The following TERB1 variants were observed in gnomAD, a reference collection of about 807,000 sequenced individuals.
TERB1 encodes telomere repeat binding bouquet formation protein 1, also known as telomere repeats-binding bouquet formation protein 1.
In TERB1, 63 loss-of-function variants were observed where a neutral mutation model predicts 92.3. The observed-to-expected ratio is 0.68, with a 90% CI of 0.56 to 0.84. TERB1 has a LOEUF of 0.84. Ranked by LOEUF, TERB1 falls within the 40% of genes least tolerant of loss-of-function variation. TERB1 has a pLI of 0.00. For missense variants in TERB1, 709 were observed against 843.7 expected (o/e 0.84, Z 1.98); for synonymous variants, 252 against 283.9 (o/e 0.89, Z 1.13).
chr16:66,767,596 T>G, intron 15 of TERB1, 86 bp from the exon 16 acceptor site: 1 of 680,858 alleles, frequency 1.5e-6, no homozygotes, highest in East Asian at 2.9e-5. Flanking sequence ...AAGCTTTTCA[T>G]AAACCTTAGC....
At chr16:66,801,344 G>C (rs1489796356) in intron 1 of TERB1, 124 bp downstream of exon 1, 1 of 152,290 alleles carries the variant, frequency 6.6e-6, no homozygotes, top group Non-Finnish European at 1.5e-5. Context: ...TACAGCCGGG[G>C]CCTGGCACCT....
Position 66,756,774 on chromosome 16 carries a change from C to T in TERB1, c.1997-1611G>A, listed in dbSNP as rs778011254. 2.6e-5 allele frequency among the ~76,000 whole-genome samples: 4 copies of T among 152,300 alleles called. No homozygotes were observed. The South Asian group carries it at 6.2e-4, about 24-fold the overall frequency. ...GTGCCCAAATCTTCAAAGATTCCTACAGCAGAGTACTGAGCAGCCTGGAAG... is the reference window on the plus strand; with the variant it reads ...GTGCCCAAATCTTCAAAGATTCCTATAGCAGAGTACTGAGCAGCCTGGAAG... On this transcript the variant is annotated intron_variant, in intron 18 of 18. Coordinates refer to ENST00000433154, the MANE Select transcript of TERB1 (RefSeq NM_001136505.2).
Position 66,754,993 on chromosome 16 carries a change from TG to T in TERB1, c.2166del (p.Thr723ArgfsTer7), listed in dbSNP as rs1392968059. 3.9e-6 allele frequency: 6 copies of T among 1,550,880 alleles called. No homozygotes were observed. The highest frequency in any genetic ancestry group is 1.7e-6 in the Non-Finnish European group (2 of 1,146,802). On this transcript the variant is annotated frameshift_variant, in exon 19 of 19. Transcript: ENST00000433154. LOFTEE classifies it high-confidence loss of function. Reference sequence around the variant, plus strand: ...TCTTTCAATCAAGAAGCTGCACACGTGGGGTGTTTGGTCAGCTTGTGGTATT... The same window carrying T: ...TCTTTCAATCAAGAAGCTGCACACGTGGGTGTTTGGTCAGCTTGTGGTATT... ...AHKYHKLTKH[P>X]TCAAS
rs1051599228 is a variant in TERB1, at chr16:66,755,042, C to G, written c.2118G>C (p.Arg706=). The change falls in exon 19 of 19, where the codon CGG becomes CGC. Residue 706 remains arginine, a synonymous_variant. Coordinates refer to ENST00000433154, the MANE Select transcript of TERB1 (RefSeq NM_001136505.2). The part of the protein sequence containing the change: ...ILWSFPFQQG[R]KAVDLAHKYH... ...ATTTGTGAGCAAGGTCCACAGCCTT[C>G]CGTCCTTGCTGAAAGGGGAAAGACC... 1.3e-6 allele frequency: 2 copies of G among 1,551,704 alleles called. No individual in the cohort carries two copies. The highest frequency in any genetic ancestry group is 2.7e-5 in the African/African-American group (2 of 73,186).
intron 13 of TERB1, among the ~76,000 whole-genome samples, 153 bp downstream of exon 13, chr16:66,772,436 C>T (rs1206564413): frequency 2.0e-5 from 3 of 152,068 alleles, no homozygotes; most frequent in Admixed American, 6.6e-5. Context: ...GAGCCGAGAT[C>T]GTGCCACTGC....
chr16:66,796,698 G>A, intron 3 of TERB1, 70 bp downstream of exon 3: 1 of 1,050,522 alleles, frequency 9.5e-7, no homozygotes, highest in South Asian at 1.4e-5. Flanking sequence ...CCTGGATCCT[G>A]TCAGATAATC....
intron 9 of TERB1, among the ~76,000 whole-genome samples, chr16:66,782,290 C>T (rs1484415006): frequency 6.6e-6 from 1 of 152,170 alleles, no homozygotes; most frequent in Admixed American, 6.5e-5. Flanking sequence ...TGGCTCATGC[C>T]TGTAATCCCA....
chr16:66,774,934 C>T (rs372121445), intron 12 of TERB1, among the ~76,000 whole-genome samples, 184 bp downstream of exon 12: 8 of 151,236 alleles, frequency 5.3e-5, no homozygotes, highest in Middle Eastern at 3.5e-3. Flanking sequence ...TGGACTCAAG[C>T]GATCTGACTG....
intron 9 of TERB1, among the ~76,000 whole-genome samples, chr16:66,779,698 A>C (rs762051205): frequency 3.3e-5 from 5 of 152,230 alleles, no homozygotes; most frequent in Admixed American, 6.5e-5. Context: ...GAATATATTC[A>C]TTCATTTATC....
intron 15 of TERB1, 39 bp from the exon 16 acceptor site, chr16:66,767,549 GA>G (rs752052352): frequency 4.0e-5 from 35 of 880,028 alleles, no homozygotes; most frequent in Non-Finnish European, 1.9e-5. Flanking sequence ...TTGGATTAAT[GA>G]AAAGAATCAG....
Position 66,775,225 on chromosome 16 carries a change from A to G in TERB1, c.1004T>C (p.Leu335Pro). 6.4e-7 allele frequency: 1 copy of G among 1,551,102 alleles called. No homozygotes were observed. The highest frequency in any genetic ancestry group is 8.7e-7 in the Non-Finnish European group (1 of 1,146,466). The change falls in exon 12 of 19, where the codon CTT becomes CCT. Residue 335 changes from leucine to proline, a missense_variant. Transcript: ENST00000433154. Reference sequence around the variant, plus strand: ...GAGTGGAAGCCCATTGTTTTTAAAAAGGTCATACTGATTTTCCTCTGGAAA... The same window carrying G: ...GAGTGGAAGCCCATTGTTTTTAAAAGGGTCATACTGATTTTCCTCTGGAAA... ...TEDCEENQYD[L>P]FKNNGLPLMI...
At chr16:66,761,148 AAG>A (rs1291378436) in intron 16 of TERB1, among the ~76,000 whole-genome samples, 4 of 150,350 alleles carry the variant, frequency 2.7e-5, no homozygotes, top group Non-Finnish European at 5.9e-5. Flanking sequence ...AAAAAGAAAA[AAG>A]AAAATAAAAA....
chr16:66,800,251 A>C (rs1438489293), intron 2 of TERB1: 1 of 151,868 alleles, frequency 6.6e-6, no homozygotes, highest in African/African-American at 2.4e-5. Context: ...CTGTAATCCC[A>C]GTTACTTGGG....
chr16:66,772,810 C>A (rs1365480889), intron 12 of TERB1, 61 bp from the exon 13 acceptor site: 61 of 1,264,748 alleles, frequency 4.8e-5, no homozygotes, highest in Non-Finnish European at 6.4e-5. Context: ...TATATAAGGA[C>A]AACTTCACAG....
intron 16 of TERB1, among the ~76,000 whole-genome samples, chr16:66,760,616 T>G (rs1597007629): frequency 7.5e-6 from 1 of 133,708 alleles, no homozygotes; most frequent in East Asian, 2.2e-4. Flanking sequence ...TGAAACCCCA[T>G]CTCTACTAAA....
intron 12 of TERB1, 46 bp downstream of exon 12, chr16:66,775,072 T>C: frequency 6.5e-7 from 1 of 1,537,354 alleles, no homozygotes; most frequent in Non-Finnish European, 8.8e-7. Flanking sequence ...TAAATTCTCC[T>C]TTATAAACTT....
chr16:66,785,707 C>A, intron 9 of TERB1, 79 bp downstream of exon 9: 1 of 1,322,018 alleles, frequency 7.6e-7, no homozygotes, highest in Non-Finnish European at 1.0e-6. Context: ...TCAATTGATT[C>A]AATAATAAAT....
intron 18 of TERB1, among the ~76,000 whole-genome samples, chr16:66,756,002 TTAAC>T (rs1349065700): frequency 3.9e-5 from 6 of 152,238 alleles, no homozygotes; most frequent in Non-Finnish European, 7.3e-5. Flanking sequence ...AAGGAAGTTT[TTAAC>T]TATTTGGTTT....
chr16:66,774,682 T>TC (rs34382468), intron 12 of TERB1, among the ~76,000 whole-genome samples: 70,659 of 143,510 alleles, frequency 0.49, 18,402 homozygotes, highest in African/African-American at 0.63. Context: ...ACTCTGATTT[T>TC]CTTTTTTTTT....
Sources: allele counts gnomAD v4.1 joint callset (sites outside exome capture counted in the v4.1 genomes callset), GRCh38; gene constraint gnomAD v4.1.1; transcripts MANE v1.5; gene names NCBI Gene and HGNC (gene_info 2026-07-23, HGNC 2026-07-21).